CADPS2: variants seen among roughly 807,000 people sequenced by gnomAD.
CADPS2 encodes calcium-dependent secretion activator 2.
In CADPS2, 93 loss-of-function variants were observed where a neutral mutation model predicts 172.5. The ratio of observed to expected loss-of-function variants is 0.54; its 90% CI spans 0.46 to 0.64. CADPS2 has a LOEUF of 0.64. Among genes scored for constraint, CADPS2 ranks in the 30% least tolerant of loss-of-function variants. The pLI is 0.00. For synonymous variants in CADPS2, 546 were observed against 555.2 expected (o/e 0.98, Z 0.23); for missense variants, 1,420 against 1,565.9 (o/e 0.91, Z 1.57).
chr7:122,612,154 C>G (rs1477676765), intron 6 of CADPS2, among the ~76,000 whole-genome samples: 2 of 151,806 alleles, frequency 1.3e-5, no homozygotes, highest in Non-Finnish European at 2.9e-5. Context: ...GGAACAACAC[C>G]AACATGCCTT....
chr7:122,464,797 T>A (rs2054919628), intron 14 of CADPS2, among the ~76,000 whole-genome samples: 1 of 152,122 alleles, frequency 6.6e-6, no homozygotes, highest in Non-Finnish European at 1.5e-5. Flanking sequence ...TCATGACAAT[T>A]AAGTGCAACT....
At chr7:122,589,318 C>T (rs761757188) in intron 6 of CADPS2, among the ~76,000 whole-genome samples, 3 of 151,722 alleles carry the variant, frequency 2.0e-5, no homozygotes, top group African/African-American at 7.3e-5. Flanking sequence ...ATACAAAAAG[C>T]CTGATTATCA....
intron 14 of CADPS2, among the ~76,000 whole-genome samples, chr7:122,453,156 A>G (rs2053345957): frequency 6.6e-6 from 1 of 152,192 alleles, no homozygotes; most frequent in Middle Eastern, 3.2e-3. Context: ...CATATGCAAA[A>G]TAATATATCG....
chr7:122,734,388 A>AAAAAAAAAAAAAAAAAAAATG (rs2091976264), intron 2 of CADPS2, among the ~76,000 whole-genome samples: 1 of 57,500 alleles, frequency 1.7e-5, no homozygotes, highest in Admixed American at 2.5e-4. Context: ...AAAAAAAAAG[A>AAAAAAAAAAAAAAAAAAAATG]AAAAAAAAAA....
intron 8 of CADPS2, among the ~76,000 whole-genome samples, chr7:122,524,451 A>G (rs996663830): frequency 1.3e-5 from 2 of 152,176 alleles, no homozygotes; most frequent in African/African-American, 4.8e-5. Flanking sequence ...TTTGAGATAC[A>G]GTGTTTTCCA....
chr7:122,440,395 T>C (rs1012248477), intron 16 of CADPS2: 5 of 152,284 alleles, frequency 3.3e-5, no homozygotes, highest in African/African-American at 1.2e-4. Context: ...CCTTAATGAA[T>C]AGGATGACAT....
At chr7:122,707,816 T>C (rs2087841543) in intron 2 of CADPS2, among the ~76,000 whole-genome samples, 1 of 151,480 alleles carries the variant, frequency 6.6e-6, no homozygotes, top group Non-Finnish European at 1.5e-5. Context: ...ATATATATGT[T>C]ATTATTTGCA....
chr7:122,616,846 A>G (rs2074982686), intron 5 of CADPS2, among the ~76,000 whole-genome samples: 1 of 152,170 alleles, frequency 6.6e-6, no homozygotes, highest in East Asian at 1.9e-4. Flanking sequence ...CTTATACAAA[A>G]TGAAACCAGA....
intron 2 of CADPS2, among the ~76,000 whole-genome samples, chr7:122,734,999 T>A (rs534516567): frequency 7.2e-5 from 11 of 152,308 alleles, no homozygotes; most frequent in African/African-American, 2.6e-4. Flanking sequence ...GGTAGTCATT[T>A]AATTCCACTG....
At chr7:122,873,154 A>C (rs1820235717) in intron 1 of CADPS2, among the ~76,000 whole-genome samples, 1 of 152,128 alleles carries the variant, frequency 6.6e-6, no homozygotes, top group South Asian at 2.1e-4. Flanking sequence ...TATTTTTTAA[A>C]TGGAGTCCAT....
chr7:122,676,796 T>C (rs1210291436), intron 2 of CADPS2: 2 of 874,814 alleles, frequency 2.3e-6, no homozygotes, highest in South Asian at 3.7e-5. Context: ...ATCATTTCCA[T>C]GGGACAAGAT....
intron 2 of CADPS2, among the ~76,000 whole-genome samples, chr7:122,696,845 T>A (rs1328220659): frequency 6.6e-6 from 1 of 152,222 alleles, no homozygotes; most frequent in African/African-American, 2.4e-5. Flanking sequence ...ACAACAAAGA[T>A]ATTTATCATT....
chr7:122,820,623 G>T (rs1301449683), intron 1 of CADPS2, among the ~76,000 whole-genome samples: 2 of 121,326 alleles, frequency 1.6e-5, no homozygotes, highest in African/African-American at 6.6e-5. Flanking sequence ...GCAGTGGCGC[G>T]ATCTCGGCTC....
At chr7:122,449,260 G>T (rs2052721950) in intron 15 of CADPS2, among the ~76,000 whole-genome samples, 1 of 152,164 alleles carries the variant, frequency 6.6e-6, no homozygotes, top group Admixed American at 6.5e-5. Context: ...GATTTTCATT[G>T]AAAGATACAT....
chr7:122,580,328 G>C (rs1003743244), intron 7 of CADPS2, among the ~76,000 whole-genome samples: 1 of 151,776 alleles, frequency 6.6e-6, no homozygotes, highest in African/African-American at 2.4e-5. Context: ...GGTGGTATGT[G>C]CCTGTGGTCC....
chr7:122,565,629 AC>A (rs1368586402), intron 7 of CADPS2, among the ~76,000 whole-genome samples: 1 of 152,272 alleles, frequency 6.6e-6, no homozygotes, highest in African/African-American at 2.4e-5. Context: ...TATAATACAA[AC>A]CATCAGGGAA....
intron 5 of CADPS2, among the ~76,000 whole-genome samples, chr7:122,620,121 T>A (rs1275535146): frequency 6.6e-6 from 1 of 152,180 alleles, no homozygotes; most frequent in Non-Finnish European, 1.5e-5. Context: ...ATAAAAAAAT[T>A]GAAAACTGTT....
chr7:122,752,363 C>G (rs2092987532), intron 1 of CADPS2, among the ~76,000 whole-genome samples: 1 of 152,084 alleles, frequency 6.6e-6, no homozygotes, highest in Non-Finnish European at 1.5e-5. Context: ...TCTGGAAGAG[C>G]TTTCTGAAAT....
At chr7:122,634,394 T>G (rs553136546) in intron 3 of CADPS2, among the ~76,000 whole-genome samples, 11 of 152,320 alleles carry the variant, frequency 7.2e-5, no homozygotes, top group Non-Finnish European at 1.5e-4. Flanking sequence ...CCTGGTTCAA[T>G]CTTGGGAGGT....
Sources: allele counts gnomAD v4.1 joint callset (sites outside exome capture counted in the v4.1 genomes callset), GRCh38; gene constraint gnomAD v4.1.1; transcripts MANE v1.5; gene names NCBI Gene and HGNC (gene_info 2026-07-23, HGNC 2026-07-21).